Variants in PGCKA1 observed in about 807,000 individuals in gnomAD.
The protein encoded by PGCKA1 is PDCD10 and GCKIII kinases associated 1.
chr4:37,571,738 C>T, the PGCKA1 span, among the ~76,000 whole-genome samples: 129 of 151,938 alleles, frequency 8.5e-4, 1 homozygote, highest in African/African-American at 3.0e-3. Context: ...GGGGTTTCAC[C>T]GTGTTAGCCA....
At chr4:37,512,242 T>C in the PGCKA1 span, among the ~76,000 whole-genome samples, 1 of 144,124 alleles carries the variant, frequency 6.9e-6, no homozygotes, top group African/African-American at 2.6e-5. Flanking sequence ...TTTGTATAGA[T>C]AGTGTCAAAC....
At chr4:37,588,553 C>T in the PGCKA1 span, 10 of 319,800 alleles carry the variant, frequency 3.1e-5, no homozygotes, top group Non-Finnish European at 5.3e-5. Flanking sequence ...AGCATCCTTC[C>T]ACCTTCTTCT....
chr4:37,570,084 A>C, the PGCKA1 span, among the ~76,000 whole-genome samples: 1 of 136,444 alleles, frequency 7.3e-6, no homozygotes, highest in African/African-American at 2.8e-5. Context: ...GGTTCACGCC[A>C]TTCTCCTGCC....
chr4:37,471,070 C>A, the PGCKA1 span, among the ~76,000 whole-genome samples: 1 of 152,170 alleles, frequency 6.6e-6, no homozygotes, highest in East Asian at 1.9e-4. Flanking sequence ...ACACCACGTA[C>A]CTGATGTTTC....
chr4:37,460,686 G>T, the PGCKA1 span: 2 of 397,608 alleles, frequency 5.0e-6, no homozygotes, highest in South Asian at 3.7e-5. Context: ...GAGTTGTTTG[G>T]TCTTTTTCTT....
chr4:37,571,659 T>C, the PGCKA1 span, among the ~76,000 whole-genome samples: 1 of 152,114 alleles, frequency 6.6e-6, no homozygotes, highest in Non-Finnish European at 1.5e-5. Flanking sequence ...TGCCTCAGCC[T>C]CCCAAGTAGC....
At chr4:37,482,105 T>A in the PGCKA1 span, among the ~76,000 whole-genome samples, 1 of 152,322 alleles carries the variant, frequency 6.6e-6, no homozygotes, top group East Asian at 1.9e-4. Context: ...CTTTGGTATG[T>A]CTTTATTAGC....
the PGCKA1 span, among the ~76,000 whole-genome samples, chr4:37,565,995 C>T: frequency 5.0e-4 from 76 of 152,292 alleles, no homozygotes; most frequent in African/African-American, 1.8e-3. Flanking sequence ...CCTCAAACAT[C>T]GGACTCCACG....
the PGCKA1 span, among the ~76,000 whole-genome samples, chr4:37,567,614 T>C: frequency 6.6e-6 from 1 of 152,144 alleles, no homozygotes; most frequent in African/African-American, 2.4e-5. Context: ...TCTTCCTGAA[T>C]GTTCGTCTAA....
chr4:37,521,648 A>G, the PGCKA1 span, among the ~76,000 whole-genome samples: 1 of 152,184 alleles, frequency 6.6e-6, no homozygotes, highest in Admixed American at 6.5e-5. Flanking sequence ...GGTGAAAATA[A>G]TGTGTATTCT....
At chr4:37,579,913 C>T in the PGCKA1 span, among the ~76,000 whole-genome samples, 2 of 152,096 alleles carry the variant, frequency 1.3e-5, no homozygotes, top group Non-Finnish European at 2.9e-5. Context: ...CTTAGATTTG[C>T]CCTTTTGAGG....
At chr4:37,592,263 T>C in the PGCKA1 span, among the ~76,000 whole-genome samples, 20 of 142,216 alleles carry the variant, frequency 1.4e-4, no homozygotes, top group African/African-American at 4.5e-4. Flanking sequence ...ATGTCTGTAA[T>C]CTGAGCACTT....
the PGCKA1 span, among the ~76,000 whole-genome samples, chr4:37,528,177 T>C: frequency 6.6e-6 from 1 of 152,234 alleles, no homozygotes; most frequent in African/African-American, 2.4e-5. Flanking sequence ...GTTTTTATTC[T>C]GAGTACTGCT....
the PGCKA1 span, among the ~76,000 whole-genome samples, chr4:37,493,653 G>A: frequency 6.6e-6 from 1 of 152,110 alleles, no homozygotes; most frequent in African/African-American, 2.4e-5. Flanking sequence ...TGAATACTAG[G>A]TCTTATTTGT....
At chr4:37,557,220 A>G in the PGCKA1 span, among the ~76,000 whole-genome samples, 246 of 152,332 alleles carry the variant, frequency 1.6e-3, no homozygotes, top group African/African-American at 5.6e-3. Context: ...TTTTATTGAA[A>G]TACCACACAT....
the PGCKA1 span, among the ~76,000 whole-genome samples, chr4:37,572,220 G>A: frequency 2.0e-5 from 3 of 151,186 alleles, no homozygotes; most frequent in Admixed American, 6.6e-5. Flanking sequence ...CCGCCACTAC[G>A]CCCGGCTAAT....
At chr4:37,473,332 A>C in the PGCKA1 span, among the ~76,000 whole-genome samples, 1 of 152,188 alleles carries the variant, frequency 6.6e-6, no homozygotes, top group Non-Finnish European at 1.5e-5. Flanking sequence ...TGTTTAAGAT[A>C]ATGTGTTAAT....
chr4:37,523,618 T>G, the PGCKA1 span, among the ~76,000 whole-genome samples: 2 of 152,332 alleles, frequency 1.3e-5, no homozygotes, highest in Admixed American at 1.3e-4. Context: ...GGTTATACGC[T>G]GTCTGTTTTT....
the PGCKA1 span, among the ~76,000 whole-genome samples, chr4:37,509,236 A>T: frequency 7.1e-6 from 1 of 140,130 alleles, no homozygotes; most frequent in Admixed American, 7.1e-5. Flanking sequence ...GGGGCTCCTC[A>T]CTTCCCAGAA....
Sources: allele counts gnomAD v4.1 joint callset (sites outside exome capture counted in the v4.1 genomes callset), GRCh38; gene constraint gnomAD v4.1.1; transcripts MANE v1.5; gene names NCBI Gene and HGNC (gene_info 2026-07-23, HGNC 2026-07-21).